RAPGEF5: variants seen among roughly 807,000 people sequenced by gnomAD.
The protein encoded by RAPGEF5 is Rap guanine nucleotide exchange factor 5.
RAPGEF5 carries 65 observed loss-of-function variants against 125.2 expected under a neutral mutation model. The observed-to-expected ratio is 0.52, with a 90% CI of 0.43 to 0.64. The LOEUF (loss-of-function observed/expected upper bound fraction) is 0.64, where lower values mean the gene tolerates loss of function less well. Ranked by LOEUF, RAPGEF5 falls within the 30% of genes least tolerant of loss-of-function variation. The pLI, the probability that RAPGEF5 is intolerant of heterozygous loss-of-function variation, is 0.00. For missense variants in RAPGEF5, 958 were observed against 1,048.1 expected (o/e 0.91, Z 1.19); for synonymous variants, 391 against 385.9 (o/e 1.01, Z -0.16).
intron 5 of RAPGEF5, among the ~76,000 whole-genome samples, chr7:22,302,274 T>C (rs1481264433): frequency 6.6e-6 from 1 of 152,172 alleles, no homozygotes; most frequent in Admixed American, 6.5e-5. Flanking sequence ...ACAGTAATAT[T>C]AGCCAGTCAG....
intron 25 of RAPGEF5, among the ~76,000 whole-genome samples, chr7:22,123,539 AT>A (rs1000812762): frequency 4.6e-5 from 7 of 152,016 alleles, no homozygotes; most frequent in Non-Finnish European, 1.0e-4. Flanking sequence ...TTCTTATAGC[AT>A]TTTTTTCTCT....
chr7:22,292,118 G>A (rs1448791622), intron 5 of RAPGEF5, among the ~76,000 whole-genome samples: 1 of 152,148 alleles, frequency 6.6e-6, no homozygotes, highest in Non-Finnish European at 1.5e-5. Flanking sequence ...GGAGGTCACT[G>A]CCCTGCAGAG....
rs557397856 is a variant in RAPGEF5, at chr7:22,197,525, C to T, written c.997-3492G>A. Among the ~76,000 whole-genome samples the T allele has an allele frequency of 9.8e-5, 15 of 152,290 alleles. No individual in the cohort carries two copies. In the South Asian group the frequency reaches 2.7e-3, roughly 27 times the overall value. On this transcript the variant is annotated intron_variant, in intron 9 of 25. Transcript: ENST00000665637. ...CTTTTCATCTCACAACTTTCTTGGCCTAACTCTTATTTATCCCACAAAGTT... is the reference window on the plus strand; with the variant it reads ...CTTTTCATCTCACAACTTTCTTGGCTTAACTCTTATTTATCCCACAAAGTT...
At chr7:22,282,208 C>T (rs1485593154) in intron 6 of RAPGEF5, among the ~76,000 whole-genome samples, 1 of 152,184 alleles carries the variant, frequency 6.6e-6, no homozygotes, top group Admixed American at 6.5e-5. Context: ...AGAACCTTTA[C>T]AGCTATTCAC....
chr7:22,154,044 T>A (rs10225612), intron 17 of RAPGEF5, among the ~76,000 whole-genome samples: 5 of 152,148 alleles, frequency 3.3e-5, no homozygotes, highest in African/African-American at 4.8e-5. Context: ...TGTCTTTCAA[T>A]AGGGAGTCTT....
intron 11 of RAPGEF5, among the ~76,000 whole-genome samples, chr7:22,173,315 G>C (rs1040419789): frequency 6.6e-6 from 1 of 152,152 alleles, no homozygotes; most frequent in Non-Finnish European, 1.5e-5. Context: ...TTACATTTCT[G>C]AAAGTGATAT....
chr7:22,184,530 C>T (rs1161284615), intron 11 of RAPGEF5, among the ~76,000 whole-genome samples: 1 of 152,164 alleles, frequency 6.6e-6, no homozygotes, highest in Non-Finnish European at 1.5e-5. Flanking sequence ...CATTCTAAAT[C>T]GAGATTGTTT....
At chr7:22,281,717 C>T (rs552641033) in intron 6 of RAPGEF5, among the ~76,000 whole-genome samples, 1 of 152,298 alleles carries the variant, frequency 6.6e-6, no homozygotes, top group African/African-American at 2.4e-5. Context: ...ACCAAGATAG[C>T]CAACAGGGTT....
chr7:22,153,983 C>T (rs1049169594), intron 17 of RAPGEF5, among the ~76,000 whole-genome samples: 8 of 152,212 alleles, frequency 5.3e-5, no homozygotes, highest in African/African-American at 1.2e-4. Context: ...TCACTCCCCA[C>T]GTCCACCTAA....
chr7:22,335,408 T>C (rs896762622), intron 1 of RAPGEF5, among the ~76,000 whole-genome samples: 1 of 152,160 alleles, frequency 6.6e-6, no homozygotes, highest in Non-Finnish European at 1.5e-5. Context: ...CTCCTTTTTA[T>C]CCAGTCAGTT....
intron 5 of RAPGEF5, among the ~76,000 whole-genome samples, chr7:22,291,871 G>A (rs1175050312): frequency 6.6e-6 from 1 of 152,154 alleles, no homozygotes; most frequent in Non-Finnish European, 1.5e-5. Flanking sequence ...TTGTTTGTTT[G>A]TTTGGGGAAA....
At chr7:22,356,769 G>A (rs548588057) in intron 1 of RAPGEF5, 61 bp downstream of exon 1, 6 of 960,524 alleles carry the variant, frequency 6.2e-6, no homozygotes, top group African/African-American at 5.2e-5. Context: ...GGCCCGGGGG[G>A]TGGGCGCGGG....
At chr7:22,314,406 G>A (rs1270187659) in intron 3 of RAPGEF5, among the ~76,000 whole-genome samples, 1 of 152,006 alleles carries the variant, frequency 6.6e-6, no homozygotes, top group Non-Finnish European at 1.5e-5. Context: ...AAAGGGGGTC[G>A]GTGGTCTCAC....
intron 11 of RAPGEF5, among the ~76,000 whole-genome samples, chr7:22,183,448 T>G (rs762303777): frequency 1.3e-5 from 2 of 152,150 alleles, no homozygotes; most frequent in Admixed American, 6.6e-5. Flanking sequence ...AATTAGAAAT[T>G]TACTTAACTA....
At chr7:22,319,518 A>G (rs968139606) in intron 1 of RAPGEF5, among the ~76,000 whole-genome samples, 1 of 152,222 alleles carries the variant, frequency 6.6e-6, no homozygotes, top group African/African-American at 2.4e-5. Flanking sequence ...AATAAATTTT[A>G]TAAGGTAGAG....
chr7:22,248,899 C>A (rs1181253297), intron 7 of RAPGEF5, among the ~76,000 whole-genome samples: 1 of 152,132 alleles, frequency 6.6e-6, no homozygotes, highest in East Asian at 1.9e-4. Context: ...GGAAGAAAAT[C>A]GGCAACATTT....
intron 9 of RAPGEF5, among the ~76,000 whole-genome samples, chr7:22,213,648 A>T (rs111625340): frequency 0.01 from 1,570 of 152,322 alleles, 12 homozygotes; most frequent in Non-Finnish European, 0.016. Context: ...CAAAGTCAGG[A>T]TTTTGTTATT....
chr7:22,316,109 G>A (rs559058261), intron 2 of RAPGEF5, among the ~76,000 whole-genome samples: 1 of 151,928 alleles, frequency 6.6e-6, no homozygotes, highest in African/African-American at 2.4e-5. Flanking sequence ...ATGAGTCTCT[G>A]GTTCTTGGAG....
chr7:22,211,875 G>A (rs1279457343), intron 9 of RAPGEF5, among the ~76,000 whole-genome samples: 1 of 151,428 alleles, frequency 6.6e-6, no homozygotes, highest in African/African-American at 2.4e-5. Flanking sequence ...CCCATCCACA[G>A]TCCACACTTA....
Sources: allele counts gnomAD v4.1 joint callset (sites outside exome capture counted in the v4.1 genomes callset), GRCh38; gene constraint gnomAD v4.1.1; transcripts MANE v1.5; gene names NCBI Gene and HGNC (gene_info 2026-07-23, HGNC 2026-07-21).